Variants in MAGED1 observed in about 807,000 individuals in gnomAD.
MAGED1 encodes the protein melanoma-associated antigen D1.
In MAGED1, 3 loss-of-function variants were observed where a neutral mutation model predicts 54.1. The ratio of observed to expected loss-of-function variants is 0.06; its 90% CI spans 0.03 to 0.14. MAGED1 has a LOEUF of 0.14. Among genes scored for constraint, MAGED1 ranks in the 10% least tolerant of loss-of-function variants. The probability of loss-of-function intolerance (pLI) is 1.00; values close to 1 mark genes in which losing one functional copy is unlikely to be tolerated. For synonymous variants in MAGED1, 217 were observed against 227.3 expected (o/e 0.95, Z 0.41); for missense variants, 485 against 623.4 (o/e 0.78, Z 2.36).
chrX:51,845,912 A>G (rs1557359229), intron 1 of MAGED1, among the ~76,000 whole-genome samples: 6 of 110,829 alleles, frequency 5.4e-5, no homozygotes, highest in Non-Finnish European at 1.1e-4. Context: ...AGTAGCTGGT[A>G]CTACAGGTGC....
At chrX:51,880,995 A>G (rs1309991140) in intron 1 of MAGED1, among the ~76,000 whole-genome samples, 7 of 110,857 alleles carry the variant, frequency 6.3e-5, no homozygotes, top group African/African-American at 2.3e-4. Flanking sequence ...ACTGACTACC[A>G]TAGACTGGGT....
At chrX:51,877,153 A>G (rs782620086) in intron 1 of MAGED1, among the ~76,000 whole-genome samples, 76 of 111,058 alleles carry the variant, frequency 6.8e-4, no homozygotes, top group African/African-American at 2.4e-3. Flanking sequence ...TCAGGAATTC[A>G]TAAATAAGAC....
intron 1 of MAGED1, among the ~76,000 whole-genome samples, chrX:51,832,769 A>G (rs1375816467): frequency 9.0e-6 from 1 of 111,040 alleles, no homozygotes; most frequent in Non-Finnish European, 1.9e-5. Context: ...CTCTTCAGGA[A>G]TTACTAGGAA....
At chrX:51,839,758 T>C (rs1400221937) in intron 1 of MAGED1, among the ~76,000 whole-genome samples, 2 of 112,062 alleles carry the variant, frequency 1.8e-5, no homozygotes, top group Non-Finnish European at 3.8e-5. Context: ...TAGAAATCAA[T>C]ATGTCTGCAA....
At chrX:51,842,006 G>A (rs1453260687) in intron 1 of MAGED1, among the ~76,000 whole-genome samples, 1 of 111,972 alleles carries the variant, frequency 8.9e-6, no homozygotes, top group African/African-American at 3.2e-5. Flanking sequence ...AGAAACTGTT[G>A]CCATGTCCTC....
Position 51,829,335 on chromosome X carries a change from G to GTA in MAGED1, c.-37+26222_-37+26223dup, listed in dbSNP as rs201035548. Reference sequence around the variant, plus strand: ...TTTGTGTATGTGTGTGTGTGTGTGTGTATATGTATATATATGTGAAATTAG... The same window carrying GTA: ...TTTGTGTATGTGTGTGTGTGTGTGTGTATATATGTATATATATGTGAAATTAG... On this transcript the variant is annotated intron_variant, in intron 1 of 12. Coordinates refer to the MAGED1 transcript ENST00000375772. Among the ~76,000 whole-genome samples the GTA allele has an allele frequency of 5.8e-3, 634 of 109,977 alleles. 11 individuals are homozygous for GTA. The highest frequency in any genetic ancestry group is 0.02 in the African/African-American group (602 of 30,307).
At chrX:51,826,610 G>A (rs1421967735) in intron 1 of MAGED1, among the ~76,000 whole-genome samples, 1 of 112,050 alleles carries the variant, frequency 8.9e-6, no homozygotes, top group Non-Finnish European at 1.9e-5. Context: ...AAAATATACA[G>A]ATAATATATA....
chrX:51,836,260 A>G (rs188682113), intron 1 of MAGED1, among the ~76,000 whole-genome samples: 66 of 107,730 alleles, frequency 6.1e-4, no homozygotes, highest in African/African-American at 2.2e-3. Flanking sequence ...ATGTTTGTTT[A>G]CATTCAAGCC....
At chrX:51,831,781 C>A (rs1557357492) in intron 1 of MAGED1, among the ~76,000 whole-genome samples, 1 of 111,316 alleles carries the variant, frequency 9.0e-6, no homozygotes, top group Non-Finnish European at 1.9e-5. Context: ...TGGACATCCT[C>A]ACTGGGCTCT....
At chrX:51,812,074 C>T (rs948795644) in intron 1 of MAGED1, among the ~76,000 whole-genome samples, 22 of 110,144 alleles carry the variant, frequency 2.0e-4, no homozygotes, top group African/African-American at 7.3e-4. Context: ...GCAGTAGAGA[C>T]ATAGAGGAAG....
In MAGED1 at chrX:51,806,375, A is replaced by C. The variant is rs141678625; in HGVS notation, c.-37+3258A>C. ...TATCCCTTATTTGTTACTATTCCAA[A>C]TTAATCACAATCCTGTCCTCTGTCA... On this transcript the variant is annotated intron_variant, in intron 1 of 12. Coordinates refer to the MAGED1 transcript ENST00000375772. 2.8e-3 allele frequency among the ~76,000 whole-genome samples: 315 copies of C among 111,991 alleles called. 1 individual carries two copies. The highest frequency in any genetic ancestry group is 9.8e-3 in the African/African-American group (302 of 30,834).
chrX:51,894,821 C>T (rs782092226), intron 2 of MAGED1: 2 of 1,139,315 alleles, frequency 1.8e-6, no homozygotes, highest in Admixed American at 6.2e-5. Flanking sequence ...CGCATACCGC[C>T]CCACCCCTCA....
intron 1 of MAGED1, among the ~76,000 whole-genome samples, chrX:51,821,361 G>A (rs1925623194): frequency 9.0e-6 from 1 of 110,791 alleles, no homozygotes; most frequent in African/African-American, 3.3e-5. Context: ...GATTTTAGAG[G>A]GAAAGCTTTT....
chrX:51,894,369 CCCCA>C lies in MAGED1; in HGVS notation c.45+23_45+26del. 8.4e-7 allele frequency: 1 copy of C among 1,187,073 alleles called. No individual in the cohort carries two copies. ...TTCCAGGTGAGATCTCCACTCCCCA[CCCCA>C]CCATTTCCCCAGCCGACAGTCACCC... is the stretch of plus-strand genomic sequence containing the variant. On this transcript the variant is annotated intron_variant, in intron 2 of 12. Coordinates refer to ENST00000326587, the MANE Select transcript of MAGED1 (RefSeq NM_006986.4).
intron 1 of MAGED1, among the ~76,000 whole-genome samples, chrX:51,814,279 CGCTGCT>C (rs2146951686): frequency 9.0e-6 from 1 of 111,650 alleles, no homozygotes; most frequent in East Asian, 2.8e-4. Flanking sequence ...CTGCCGCTGC[CGCTGCT>C]GCTACCGCCG....
At chrX:51,877,150 T>A (rs1374085668) in intron 1 of MAGED1, among the ~76,000 whole-genome samples, 1 of 110,534 alleles carries the variant, frequency 9.0e-6, no homozygotes, top group Non-Finnish European at 1.9e-5. Flanking sequence ...AGATCAGGAA[T>A]TCATAAATAA....
rs1194938394 is a variant in MAGED1, at chrX:51,894,878, C to T, written c.46-175C>T. On this transcript the variant is annotated intron_variant, in intron 2 of 12. Coordinates refer to ENST00000326587, the MANE Select transcript of MAGED1 (RefSeq NM_006986.4). Reference sequence around the variant, plus strand: ...CCCCTGCCACATGTTTAGTACCCGCCTGGTCCCCCATCGCCCCTCGCGGGC... The same window carrying T: ...CCCCTGCCACATGTTTAGTACCCGCTTGGTCCCCCATCGCCCCTCGCGGGC... 8.8e-6 allele frequency: 9 copies of T among 1,027,649 alleles called. No individual in the cohort carries two copies. The South Asian group carries it at 9.3e-5, about 11-fold the overall frequency. The allele number at this position is 1,027,649 out of a possible 1,213,427, so 84.7% of individuals were successfully genotyped here. A position where few individuals can be genotyped will look rare whatever the true frequency, so the allele number is the denominator to read the frequency against.
intron 1 of MAGED1, chrX:51,857,009 T>C (rs1927109029): frequency 8.9e-6 from 1 of 111,775 alleles, no homozygotes; most frequent in African/African-American, 3.2e-5. Context: ...AAAAGTCTTA[T>C]GTATGTGATT....
intron 1 of MAGED1, among the ~76,000 whole-genome samples, chrX:51,877,043 ATTTG>A (rs782098676): frequency 1.4e-4 from 15 of 110,790 alleles, no homozygotes; most frequent in Non-Finnish European, 2.8e-4. Context: ...TAAAAGGAAT[ATTTG>A]TTTGGCTTTT....
Sources: gnomAD v4.1 joint callset for allele counts (sites outside exome capture counted in the v4.1 genomes callset) on GRCh38, gnomAD v4.1.1 for gene constraint, MANE v1.5 for transcripts, NCBI Gene and HGNC (gene_info 2026-07-23, HGNC 2026-07-21) for gene names.